The following PTPRN2 variants were observed in gnomAD, a reference collection of about 807,000 sequenced individuals.
PTPRN2 encodes protein tyrosine phosphatase receptor type N2.
A neutral mutation model predicts 118.8 loss-of-function variants in PTPRN2; 74 were observed. That is an observed-to-expected ratio of 0.62 (90% confidence interval 0.52 to 0.76). The LOEUF is 0.76. Ranked by LOEUF, PTPRN2 falls within the 30% of genes least tolerant of loss-of-function variation. The pLI, the probability that PTPRN2 is intolerant of heterozygous loss-of-function variation, is 0.00. For missense variants in PTPRN2, 1,481 were observed against 1,394.4 expected, an observed-to-expected ratio of 1.06 and a Z score of -0.99; for synonymous variants, 641 against 608.0, an observed-to-expected ratio of 1.05 and a Z score of -0.80.
chr7:158,515,178 A>G (rs1363456747), intron 1 of PTPRN2, among the ~76,000 whole-genome samples: 1 of 147,920 alleles, frequency 6.8e-6, no homozygotes, highest in Non-Finnish European at 1.5e-5. Flanking sequence ...TTTCCCTCTC[A>G]GTGAGTGTAT....
intron 10 of PTPRN2, among the ~76,000 whole-genome samples, chr7:158,101,602 C>G (rs1815233744): frequency 6.6e-6 from 1 of 152,168 alleles, no homozygotes; most frequent in African/African-American, 2.4e-5. Flanking sequence ...TCATCTAGCC[C>G]AAACAATCCC....
intron 12 of PTPRN2, among the ~76,000 whole-genome samples, 158 bp from the exon 13 acceptor site, chr7:157,683,095 C>T (rs1356098950): frequency 2.6e-5 from 4 of 152,214 alleles, no homozygotes; most frequent in East Asian, 3.8e-4. Context: ...GAACAACCCC[C>T]GTCAAAGGAG....
chr7:157,688,353 G>T (rs565090655), intron 12 of PTPRN2, among the ~76,000 whole-genome samples: 1 of 152,186 alleles, frequency 6.6e-6, no homozygotes, highest in African/African-American at 2.4e-5. Flanking sequence ...ATGTCCAAAG[G>T]GGGAAGCACC....
intron 2 of PTPRN2, among the ~76,000 whole-genome samples, chr7:158,458,503 C>G (rs1456459351): frequency 7.2e-5 from 11 of 152,240 alleles, no homozygotes; most frequent in Non-Finnish European, 1.5e-5. Context: ...TTTAAAAGCT[C>G]TAATAGTCAG....
chr7:158,502,900 TC>T (rs1017983516), intron 1 of PTPRN2, among the ~76,000 whole-genome samples: 2 of 151,236 alleles, frequency 1.3e-5, no homozygotes, highest in Admixed American at 1.3e-4. Context: ...AGCCACTGTG[TC>T]CATCAGCCAC....
chr7:158,222,335 T>C (rs1375928586), intron 3 of PTPRN2, among the ~76,000 whole-genome samples: 1 of 152,128 alleles, frequency 6.6e-6, no homozygotes, highest in Admixed American at 6.5e-5. Flanking sequence ...AGATACCCAC[T>C]GATGATGGAC....
intron 11 of PTPRN2, among the ~76,000 whole-genome samples, chr7:158,080,436 T>C (rs944559514): frequency 6.6e-6 from 1 of 151,512 alleles, no homozygotes; most frequent in African/African-American, 2.4e-5. Flanking sequence ...GTCTTATCAA[T>C]GATACGGAAC....
At chr7:158,016,801 C>T (rs1806493667) in intron 11 of PTPRN2, among the ~76,000 whole-genome samples, 1 of 152,152 alleles carries the variant, frequency 6.6e-6, no homozygotes, top group Non-Finnish European at 1.5e-5. Flanking sequence ...AAATGTTGCA[C>T]ACCATGCGGC....
chr7:158,284,016 C>G (rs1001624478), intron 3 of PTPRN2, among the ~76,000 whole-genome samples: 1 of 152,180 alleles, frequency 6.6e-6, no homozygotes, highest in Non-Finnish European at 1.5e-5. Flanking sequence ...ATCAATCACA[C>G]GTTTAAGAAC....
In PTPRN2 at chr7:158,555,603, C is replaced by A. The variant is rs1350107047; in HGVS notation, c.112+31955G>T. Among the ~76,000 whole-genome samples, 3 of 152,220 alleles carry A rather than the reference C, an allele frequency of 2.0e-5. No homozygotes were observed. The highest frequency in any genetic ancestry group is 4.4e-5 in the Non-Finnish European group (3 of 68,048). ...CTCAACTGGCATCTTCCAGCTGTCCCCCAGACCCAGCCTCCCTCAGCTCCC... is the reference window on the plus strand; with the variant it reads ...CTCAACTGGCATCTTCCAGCTGTCCACCAGACCCAGCCTCCCTCAGCTCCC... On this transcript the variant is annotated intron_variant, in intron 1 of 22. Transcript: ENST00000389418. The surrounding 1 kb of genome is among the most constrained non-coding windows in gnomAD (Gnocchi z 4.7).
At chr7:158,308,484 T>C (rs1801463548) in intron 3 of PTPRN2, among the ~76,000 whole-genome samples, 1 of 152,174 alleles carries the variant, frequency 6.6e-6, no homozygotes, top group Admixed American at 6.5e-5. Context: ...AACATTTATT[T>C]TCTCCTAATT....
intron 11 of PTPRN2, among the ~76,000 whole-genome samples, chr7:157,905,317 A>G (rs1797709957): frequency 6.6e-6 from 1 of 152,230 alleles, no homozygotes; most frequent in Non-Finnish European, 1.5e-5. Context: ...TGTCCATCAA[A>G]TGCCAGGTCT....
chr7:157,890,942 G>A (rs541080876), intron 12 of PTPRN2, among the ~76,000 whole-genome samples: 39 of 152,274 alleles, frequency 2.6e-4, no homozygotes, highest in African/African-American at 8.2e-4. Context: ...GCTGGGCACC[G>A]CAGAGCAACA....
chr7:158,203,696 T>C (rs921649541), intron 4 of PTPRN2, among the ~76,000 whole-genome samples: 1 of 152,158 alleles, frequency 6.6e-6, no homozygotes, highest in Non-Finnish European at 1.5e-5. Context: ...ATCCCTATAC[T>C]TGATGGAGTT....
At chr7:158,047,266 T>C (rs1164117547) in intron 11 of PTPRN2, among the ~76,000 whole-genome samples, 3 of 152,246 alleles carry the variant, frequency 2.0e-5, no homozygotes, top group African/African-American at 4.8e-5. Flanking sequence ...CTGGAGCCCA[T>C]GGGCCATGCA....
At chr7:157,939,674 G>T (rs766071021) in intron 11 of PTPRN2, among the ~76,000 whole-genome samples, 1 of 152,254 alleles carries the variant, frequency 6.6e-6, no homozygotes, top group Non-Finnish European at 1.5e-5. Flanking sequence ...GACAGACAGA[G>T]TTGGCCTCAG....
At position 158,089,982 on chromosome 7, in the gene PTPRN2, A is replaced by C. The variant is rs56375070; in HGVS notation, c.1644-8605T>G. On this transcript the variant is annotated intron_variant, in intron 10 of 22. Transcript: ENST00000389418. Reference sequence around the variant, plus strand: ...TGACGAAAGAGGGAGTCTTCACACAAACCCTTCCTCCCCTGACGAAAGAGG... The same window carrying C: ...TGACGAAAGAGGGAGTCTTCACACACACCCTTCCTCCCCTGACGAAAGAGG... Among the ~76,000 whole-genome samples the C allele has an allele frequency of 5.5e-4, 15 of 27,246 alleles. 2 individuals are homozygous for C. Among genetic ancestry groups the C allele is most frequent in the African/African-American group, 7.7e-4 (11 of 14,268 alleles). 17.9% of individuals were successfully genotyped at this position (27,246 alleles called of 152,430 possible). A position where few individuals can be genotyped will look rare whatever the true frequency, so the allele number is the denominator to read the frequency against.
At chr7:158,586,699 T>A (rs1205807889) in intron 1 of PTPRN2, among the ~76,000 whole-genome samples, 1 of 152,066 alleles carries the variant, frequency 6.6e-6, no homozygotes, top group African/African-American at 2.4e-5. Flanking sequence ...GCCCTCCCTT[T>A]CCTCCCGCGG....
chr7:158,054,025 T>C (rs113542541), intron 11 of PTPRN2, among the ~76,000 whole-genome samples: 1,776 of 88,526 alleles, frequency 0.02, 41 homozygotes, highest in African/African-American at 0.06. Context: ...ACGCAGAGAC[T>C]CCAGAGATGC....
Sources: gnomAD v4.1 joint callset for allele counts (sites outside exome capture counted in the v4.1 genomes callset) on GRCh38, gnomAD v4.1.1 for gene constraint, Gnocchi (gnomAD v3.1) non-coding constraint, MANE v1.5 for transcripts, NCBI Gene and HGNC (gene_info 2026-07-23, HGNC 2026-07-21) for gene names.